The following PRKD1 variants were observed in gnomAD, a reference collection of about 807,000 sequenced individuals.
PRKD1 encodes protein kinase D1.
A neutral mutation model predicts 95.9 loss-of-function variants in PRKD1; 63 were observed. The observed-to-expected ratio is 0.66, with a 90% CI of 0.54 to 0.81. PRKD1 has a LOEUF of 0.81. Among genes scored for constraint, PRKD1 ranks in the 30% least tolerant of loss-of-function variants. The pLI is 0.00. For missense variants in PRKD1, 1,048 were observed against 1,165.3 expected, an observed-to-expected ratio of 0.90 and a Z score of 1.47; for synonymous variants, 425 against 423.1, an observed-to-expected ratio of 1.00 and a Z score of -0.05.
At chr14:29,834,604 A>T (rs185572219) in intron 1 of PRKD1, among the ~76,000 whole-genome samples, 3 of 152,030 alleles carry the variant, frequency 2.0e-5, no homozygotes, top group Non-Finnish European at 4.4e-5. Flanking sequence ...ACATAATAAT[A>T]ATTTTTCTCC....
chr14:29,694,709 T>TA (rs1884418068), intron 2 of PRKD1, among the ~76,000 whole-genome samples: 1 of 152,118 alleles, frequency 6.6e-6, no homozygotes, highest in Non-Finnish European at 1.5e-5. Flanking sequence ...CAGGGACTCT[T>TA]AGACATAAAA....
rs1894180063 is a variant in PRKD1 at position 29,897,649 on chromosome 14, A to C, written c.264+29600T>G. 2.0e-5 allele frequency among the ~76,000 whole-genome samples: 3 copies of C among 152,306 alleles called. No homozygotes were observed. In the South Asian group the frequency reaches 6.2e-4, roughly 32 times the overall value. On this transcript the variant is annotated intron_variant, in intron 1 of 17. Transcript: ENST00000331968. ...AAGATAAAAGGATAATAAAAGATAA[A>C]AGGAAAACAGGTAAAGTGCTGGGTA...
chr14:29,916,565 A>G (rs1894895596), intron 1 of PRKD1, among the ~76,000 whole-genome samples: 1 of 152,188 alleles, frequency 6.6e-6, no homozygotes, highest in Admixed American at 6.5e-5. Flanking sequence ...TCAAGTGGTC[A>G]TAACCTCTAG....
At chr14:29,745,473 T>A (rs970308436) in intron 1 of PRKD1, among the ~76,000 whole-genome samples, 2 of 152,086 alleles carry the variant, frequency 1.3e-5, no homozygotes, top group African/African-American at 4.8e-5. Context: ...TTAATCATTA[T>A]TGTTATTATT....
intron 1 of PRKD1, among the ~76,000 whole-genome samples, chr14:29,804,250 AAAT>A (rs1890145990): frequency 6.6e-6 from 1 of 152,090 alleles, no homozygotes. Context: ...AAAAAAAAAA[AAAT>A]GTATGCAAAA....
intron 1 of PRKD1, among the ~76,000 whole-genome samples, chr14:29,850,156 A>G (rs1892251198): frequency 6.6e-6 from 1 of 152,168 alleles, no homozygotes; most frequent in African/African-American, 2.4e-5. Flanking sequence ...AAAGATGCAC[A>G]TTCTTACCAC....
chr14:29,706,154 G>A (rs1231174161), intron 2 of PRKD1, among the ~76,000 whole-genome samples: 1 of 152,094 alleles, frequency 6.6e-6, no homozygotes, highest in Non-Finnish European at 1.5e-5. Flanking sequence ...ATGTTAAATA[G>A]TATCTCACTG....
At chr14:29,782,112 G>A (rs879438033) in intron 1 of PRKD1, among the ~76,000 whole-genome samples, 9 of 152,186 alleles carry the variant, frequency 5.9e-5, no homozygotes, top group Middle Eastern at 6.8e-3. Flanking sequence ...TGCTCAGTTC[G>A]GTTGAAGACT....
chr14:29,847,460 C>T (rs1316623940), intron 1 of PRKD1, among the ~76,000 whole-genome samples: 2 of 152,074 alleles, frequency 1.3e-5, no homozygotes, highest in Non-Finnish European at 2.9e-5. Context: ...CTGGACATCA[C>T]AAGCAGGTAG....
At chr14:29,675,982 G>A (rs1269069605) in intron 2 of PRKD1, among the ~76,000 whole-genome samples, 1 of 119,434 alleles carries the variant, frequency 8.4e-6, no homozygotes, top group Non-Finnish European at 1.7e-5. Context: ...CCTGTCGTGG[G>A]GTGGGGGGTG....
chr14:29,924,428 T>C (rs1001040565), intron 1 of PRKD1, among the ~76,000 whole-genome samples: 2 of 152,230 alleles, frequency 1.3e-5, no homozygotes, highest in Non-Finnish European at 2.9e-5. Context: ...CAGGGAAACT[T>C]ATGCAGCCTT....
intron 1 of PRKD1, among the ~76,000 whole-genome samples, chr14:29,804,235 TA>T (rs34903080): frequency 0.24 from 29,387 of 120,156 alleles, 3,121 homozygotes; most frequent in Middle Eastern, 0.3. Flanking sequence ...AGAACGAAAC[TA>T]AAAAAAAAAA....
intron 1 of PRKD1, among the ~76,000 whole-genome samples, chr14:29,878,889 A>C (rs1893399996): frequency 6.6e-6 from 1 of 152,222 alleles, no homozygotes; most frequent in Admixed American, 6.5e-5. Context: ...AAATGATTAA[A>C]ATGGTAAATT....
chr14:29,666,377 C>T (rs949243886), intron 2 of PRKD1, among the ~76,000 whole-genome samples, 169 bp from the exon 3 acceptor site: 11 of 151,906 alleles, frequency 7.2e-5, no homozygotes, highest in Non-Finnish European at 1.5e-5. Context: ...TTATTCCCAG[C>T]CATAGTTTTA....
intron 2 of PRKD1, among the ~76,000 whole-genome samples, chr14:29,666,753 T>C (rs1882538072): frequency 6.6e-6 from 1 of 152,032 alleles, no homozygotes; most frequent in Non-Finnish European, 1.5e-5. Context: ...CAATGTATAA[T>C]AACTAAGCAT....
rs151184721 is a variant in PRKD1, at chr14:29,905,055, T to C, written c.264+22194A>G. ...TCAGGTACACCACAACGGGAATTACTGGACTGTGGTCTGCCAAATACATAC... is the reference window on the plus strand; with the variant it reads ...TCAGGTACACCACAACGGGAATTACCGGACTGTGGTCTGCCAAATACATAC... On this transcript the variant is annotated intron_variant, in intron 1 of 17. Transcript: ENST00000331968. Among the ~76,000 whole-genome samples the C allele has an allele frequency of 2.5e-3, 383 of 152,320 alleles. 1 individual carries two copies. Among genetic ancestry groups the C allele is most frequent in the African/African-American group, 9.0e-3 (375 of 41,568 alleles).
intron 1 of PRKD1, among the ~76,000 whole-genome samples, chr14:29,742,401 A>G (rs1439123383): frequency 6.6e-6 from 1 of 152,192 alleles, no homozygotes. Flanking sequence ...CTTGTATTAA[A>G]AGGGTATCTG....
At chr14:29,920,492 C>T (rs905913788) in intron 1 of PRKD1, among the ~76,000 whole-genome samples, 1 of 151,754 alleles carries the variant, frequency 6.6e-6, no homozygotes, top group African/African-American at 2.4e-5. Context: ...CTGCATTCTA[C>T]CAAGTTCTAA....
At chr14:29,663,935 A>C in intron 3 of PRKD1, 76 bp from the exon 4 acceptor site, 1 of 1,398,840 alleles carries the variant, frequency 7.1e-7, no homozygotes, top group African/African-American at 1.4e-5. Flanking sequence ...GTAAAGTAGA[A>C]ATTTAAAAAA....
Sources: allele counts gnomAD v4.1 joint callset (sites outside exome capture counted in the v4.1 genomes callset), GRCh38; gene constraint gnomAD v4.1.1; transcripts MANE v1.5; gene names NCBI Gene and HGNC (gene_info 2026-07-23, HGNC 2026-07-21).